SAE1: variants seen among roughly 807,000 people sequenced by gnomAD.
The protein encoded by SAE1 is SUMO1 activating enzyme subunit 1, also known as SUMO-activating enzyme subunit 1.
In SAE1, 11 loss-of-function variants were observed where a neutral mutation model predicts 40.6. That is an observed-to-expected ratio of 0.27 (90% CI 0.17 to 0.45). The LOEUF is 0.45. Ranked by LOEUF, SAE1 falls within the 20% of genes least tolerant of loss-of-function variation. The probability of loss-of-function intolerance (pLI) is 1.00; values close to 1 mark genes in which losing one functional copy is unlikely to be tolerated. For missense variants in SAE1, 373 were observed against 427.3 expected, an observed-to-expected ratio of 0.87 and a Z score of 1.12; for synonymous variants, 155 against 154.3, an observed-to-expected ratio of 1.00 and a Z score of -0.03.
intron 2 of SAE1, among the ~76,000 whole-genome samples, chr19:47,144,009 C>T (rs1040477554): frequency 6.6e-6 from 1 of 152,190 alleles, no homozygotes; most frequent in African/African-American, 2.4e-5. Flanking sequence ...TCATTTAGGT[C>T]TGAGGCGAGC....
At chr19:47,180,914 G>A (rs1214700746) in intron 6 of SAE1, among the ~76,000 whole-genome samples, 3 of 152,186 alleles carry the variant, frequency 2.0e-5, no homozygotes, top group Non-Finnish European at 4.4e-5. Context: ...TAACAATCTA[G>A]GGATGGACAG....
At chr19:47,159,947 G>A (rs1216532231) in intron 5 of SAE1, among the ~76,000 whole-genome samples, 1 of 152,134 alleles carries the variant, frequency 6.6e-6, no homozygotes, top group Non-Finnish European at 1.5e-5. Context: ...GCCCACTTTG[G>A]CCTCCCAAAG....
In SAE1 at chr19:47,209,556, A is replaced by C; in HGVS notation, c.*305A>C. The C allele has an allele frequency of 2.1e-6, 1 of 471,012 alleles. No homozygotes were observed. Among genetic ancestry groups the C allele is most frequent in the South Asian group, 3.4e-5 (1 of 29,098 alleles). The allele number at this position is 471,012 out of a possible 1,614,324, so 29.2% of individuals were successfully genotyped here. On this transcript the variant is annotated 3_prime_UTR_variant, in exon 9 of 9. Transcript: ENST00000270225. ...ACCCCTCTGCCCTTTCTCTGTCCTT[A>C]TGCTGTCCCGGCCTCGCCAGCCCTC...
At chr19:47,140,617 T>G (rs1176172500) in intron 1 of SAE1, among the ~76,000 whole-genome samples, 2 of 125,418 alleles carry the variant, frequency 1.6e-5, no homozygotes, top group Non-Finnish European at 3.7e-5. Context: ...TGAGACCCTG[T>G]GTCTACAAAA....
chr19:47,186,229 G>A (rs1004573490), intron 6 of SAE1, among the ~76,000 whole-genome samples: 3 of 150,590 alleles, frequency 2.0e-5, no homozygotes, highest in African/African-American at 7.3e-5. Context: ...AACAGAGAGA[G>A]ACTCTGTCTC....
At chr19:47,150,738 T>C (rs2123208344) in intron 3 of SAE1, among the ~76,000 whole-genome samples, 1 of 152,340 alleles carries the variant, frequency 6.6e-6, no homozygotes, top group South Asian at 2.1e-4. Context: ...ACTTAACAAG[T>C]TGGTGATTAA....
intron 4 of SAE1, among the ~76,000 whole-genome samples, chr19:47,153,690 G>A (rs779874634): frequency 2.0e-5 from 3 of 152,118 alleles, no homozygotes; most frequent in African/African-American, 4.8e-5. Flanking sequence ...TTTCTTGCCT[G>A]TAAAATCAAG....
chr19:47,186,723 T>C lies in SAE1; in HGVS notation c.734-10510T>C, dbSNP rs577817158. Among the ~76,000 whole-genome samples the C allele has an allele frequency of 1.9e-4, 29 of 152,294 alleles. No individual in the cohort carries two copies. The South Asian group carries it at 5.8e-3, about 30-fold the overall frequency. The stretch of plus-strand genomic sequence containing the variant: ...TGCAAATAGCGAGGCACAGCTTCTT[T>C]CCCTCTTCTGAGCTGATGCCTGGTG... On this transcript the variant is annotated intron_variant, in intron 6 of 8. Coordinates refer to ENST00000270225, the MANE Select transcript of SAE1 (RefSeq NM_005500.3).
At chr19:47,206,582 G>A (rs1001060467) in intron 8 of SAE1, among the ~76,000 whole-genome samples, 13 of 151,986 alleles carry the variant, frequency 8.6e-5, no homozygotes, top group Admixed American at 5.9e-4. Flanking sequence ...CATCCCCACC[G>A]TCCACGGCAG....
At chr19:47,203,025 G>T (rs547342758) in intron 7 of SAE1, among the ~76,000 whole-genome samples, 1 of 152,202 alleles carries the variant, frequency 6.6e-6, no homozygotes, top group Admixed American at 6.5e-5. Flanking sequence ...ACAGCATTGT[G>T]TTCAGGAGTA....
rs562280067 is a variant in SAE1, at chr19:47,186,830, C to T, written c.734-10403C>T. Among the ~76,000 whole-genome samples, 30 of 152,236 alleles carry T rather than the reference C, an allele frequency of 2.0e-4. No homozygotes were observed. The East Asian group carries it at 5.4e-3, about 27-fold the overall frequency. On this transcript the variant is annotated intron_variant, in intron 6 of 8. Coordinates refer to ENST00000270225, the MANE Select transcript of SAE1 (RefSeq NM_005500.3). ...ACAAAAAGGGGCATTTCAGAGTAGT[C>T]TTCATGGGCGGCCACTCCAGAGGTG...
intron 5 of SAE1, among the ~76,000 whole-genome samples, chr19:47,166,106 G>A (rs1207947421): frequency 3.3e-5 from 5 of 152,168 alleles, no homozygotes; most frequent in African/African-American, 7.2e-5. Context: ...AGGACTTTTT[G>A]TGGGCTGCTT....
chr19:47,134,182 A>G (rs2123172558), intron 1 of SAE1, among the ~76,000 whole-genome samples: 1 of 152,088 alleles, frequency 6.6e-6, no homozygotes, highest in Admixed American at 6.6e-5. Context: ...TTTTTATACA[A>G]CTAAGTAGAA....
chr19:47,170,552 G>C (rs920800339), intron 6 of SAE1, among the ~76,000 whole-genome samples: 7 of 145,186 alleles, frequency 4.8e-5, no homozygotes, highest in African/African-American at 1.8e-4. Context: ...TGTCACCCAG[G>C]CTGGAATGCA....
chr19:47,202,480 G>A (rs2058660890), intron 7 of SAE1, among the ~76,000 whole-genome samples: 1 of 151,510 alleles, frequency 6.6e-6, no homozygotes, highest in African/African-American at 2.4e-5. Flanking sequence ...TAGAAACGGG[G>A]TTTCACCATG....
At chr19:47,131,200 C>T in intron 1 of SAE1, 172 bp downstream of exon 1, 2 of 1,379,350 alleles carry the variant, frequency 1.4e-6, no homozygotes, top group South Asian at 1.7e-5. Context: ...GGGGATGTTT[C>T]TGGAAGGTCT....
chr19:47,131,153 GA>G (rs1343408668), intron 1 of SAE1, 125 bp downstream of exon 1: 2 of 1,429,510 alleles, frequency 1.4e-6, no homozygotes, highest in Non-Finnish European at 1.8e-6. Context: ...TGTGCTCTGG[GA>G]TCGTCTCTCT....
Position 47,197,325 on chromosome 19 carries a change from G to A in SAE1, c.826G>A (p.Val276Met). The A allele has an allele frequency of 6.2e-7, 1 of 1,614,090 alleles. No individual in the cohort carries two copies. Among genetic ancestry groups the A allele is most frequent in the South Asian group, 1.1e-5 (1 of 91,080 alleles). ...SELLLQIRND[V>M]LDSLGISPDL... ...GTTGTTGCTCCAGATACGAAATGAT[G>A]TGCTTGACTCACTGGGTATTAGTCC... The change falls in exon 7 of 9, where the codon GTG becomes ATG. Residue 276 changes from valine (V) to methionine (M), a missense_variant. Physicochemically the swap from Val to Met is conservative, Grantham distance 21. Around this residue, in one of 3 missense-constraint regions of SAE1, gnomAD observed 351 missense variants for 390.6 expected, o/e 0.90. Coordinates refer to ENST00000270225, the MANE Select transcript of SAE1 (RefSeq NM_005500.3).
chr19:47,138,315 A>T (rs2058195412), intron 1 of SAE1, among the ~76,000 whole-genome samples: 1 of 152,180 alleles, frequency 6.6e-6, no homozygotes, highest in Non-Finnish European at 1.5e-5. Context: ...AAGTGCTGGG[A>T]TTACAGGCAT....
Sources: gnomAD v4.1 joint callset for allele counts (sites outside exome capture counted in the v4.1 genomes callset) on GRCh38, gnomAD v4.1.1 for gene constraint, gnomAD v4.1.1 regional missense constraint, MANE v1.5 for transcripts, NCBI Gene and HGNC (gene_info 2026-07-23, HGNC 2026-07-21) for gene names.